Variants in TRANK1 observed in about 807,000 individuals in gnomAD.
TRANK1 encodes TPR and ankyrin repeat-containing protein 1.
A neutral mutation model predicts 266.0 loss-of-function variants in TRANK1; 198 were observed. The observed-to-expected ratio is 0.74, with a 90% CI of 0.66 to 0.84. TRANK1 has a LOEUF of 0.84. Ranked by LOEUF, TRANK1 falls within the 40% of genes least tolerant of loss-of-function variation. The probability of loss-of-function intolerance (pLI) is 0.00; values close to 1 mark genes in which losing one functional copy is unlikely to be tolerated. For missense variants in TRANK1, 3,326 were observed against 3,634.6 expected, an observed-to-expected ratio of 0.92 and a Z score of 2.18; for synonymous variants, 1,396 against 1,384.1, an observed-to-expected ratio of 1.01 and a Z score of -0.19.
At chr3:36,887,051 C>T (rs1386807337) in intron 8 of TRANK1, among the ~76,000 whole-genome samples, 9 of 151,688 alleles carry the variant, frequency 5.9e-5, no homozygotes, top group African/African-American at 9.7e-5. Context: ...GGACTACAGG[C>T]GCATGCTACT....
At chr3:36,927,488 C>T (rs1327145491) in intron 1 of TRANK1, among the ~76,000 whole-genome samples, 2 of 152,218 alleles carry the variant, frequency 1.3e-5, no homozygotes, top group Non-Finnish European at 2.9e-5. Flanking sequence ...CTCACTGCAA[C>T]CTTGGTGTTT....
chr3:36,841,966 T>C (rs2078850415), intron 18 of TRANK1, among the ~76,000 whole-genome samples: 2 of 151,976 alleles, frequency 1.3e-5, no homozygotes, highest in Non-Finnish European at 2.9e-5. Context: ...ATCACCACTA[T>C]TTCAAGGGAG....
At chr3:36,945,584 C>T (rs115239482), upstream of TRANK1, among the ~76,000 whole-genome samples, 1,208 of 152,296 alleles carry the variant, frequency 7.9e-3, 15 homozygotes, top group African/African-American at 0.026. Flanking sequence ...CAGGCCTGAG[C>T]AGGCAACAAA....
intron 8 of TRANK1, among the ~76,000 whole-genome samples, chr3:36,888,068 A>C (rs1244415749): frequency 6.6e-6 from 1 of 152,250 alleles, no homozygotes; most frequent in African/African-American, 2.4e-5. Context: ...CATTATTCAT[A>C]ATAGCCAGAA....
chr3:36,839,862 C>G (rs183559883), intron 18 of TRANK1, among the ~76,000 whole-genome samples: 2 of 152,100 alleles, frequency 1.3e-5, no homozygotes, highest in Non-Finnish European at 2.9e-5. Flanking sequence ...TTCTAAAAAC[C>G]CTTTTTGTTG....
chr3:36,901,196 A>G (rs762071370), intron 3 of TRANK1, among the ~76,000 whole-genome samples: 9 of 151,194 alleles, frequency 6.0e-5, no homozygotes, highest in Non-Finnish European at 8.8e-5. Context: ...AGCTGAAGGT[A>G]TCTGAGATTC....
At chr3:36,876,422 T>G (rs1342530348) in intron 8 of TRANK1, among the ~76,000 whole-genome samples, 3 of 152,256 alleles carry the variant, frequency 2.0e-5, no homozygotes, top group African/African-American at 7.2e-5. Context: ...AGTGACTGAT[T>G]GGTTCATAGG....
At chr3:36,934,796 G>A (rs2080402545) in intron 1 of TRANK1, among the ~76,000 whole-genome samples, 1 of 152,144 alleles carries the variant, frequency 6.6e-6, no homozygotes, top group Admixed American at 6.5e-5. Flanking sequence ...AAAACAACAA[G>A]CCAAAGACAC....
chr3:36,915,062 C>T (rs2080106281), intron 1 of TRANK1, among the ~76,000 whole-genome samples: 1 of 152,224 alleles, frequency 6.6e-6, no homozygotes, highest in Non-Finnish European at 1.5e-5. Flanking sequence ...CGCCATTCTC[C>T]TGCCTCAGCC....
At position 36,935,777 on chromosome 3, in the gene TRANK1, T is replaced by A. The variant is rs563098312; in HGVS notation, c.23+9010A>T. ...CTGAATTCTTAAGGCAAAAACTAAG[T>A]CTTAGTAAGTCTTACTATTTCTGCA... is the stretch of plus-strand genomic sequence containing the variant. On this transcript the variant is annotated intron_variant, in intron 1 of 23. Transcript: ENST00000645898. 3.3e-4 allele frequency among the ~76,000 whole-genome samples: 50 copies of A among 152,234 alleles called. No homozygotes were observed. The East Asian group carries it at 4.4e-3, about 14-fold the overall frequency.
chr3:36,855,279 C>T lies in TRANK1; in HGVS notation c.4443G>A (p.Leu1481=), dbSNP rs1395078559. The T allele has an allele frequency of 4.3e-6, 7 of 1,613,942 alleles. No homozygotes were observed. Among genetic ancestry groups the T allele is most frequent in the African/African-American group, 1.3e-5 (1 of 74,930 alleles). ...MKGVAFRFSD[L]RSLFHYASRN... ...TGCTGGCATAATGGAACAGAGAGCG[C>T]AGATCGCTGAAGCGGAAGGCCACGC... Residue 1481 remains leucine (L), a synonymous_variant, in exon 13 of 24, where the codon CTG becomes CTA. Coordinates refer to ENST00000645898, the MANE Select transcript of TRANK1 (RefSeq NM_001329998.2).
In TRANK1 at chr3:36,833,073, T is replaced by G; in HGVS notation, c.6510A>C (p.Lys2170Asn). ...TCTGACACAGCCTGCCCAAAAGGTG[T>G]TTGTTTAGGGCTAATTTCACTTGGT... Reference protein sequence around the residue: ...MTDQVKLALNKHLLGRLCQIT... With the variant: ...MTDQVKLALNNHLLGRLCQIT... Residue 2170 changes from lysine to asparagine, a missense_variant, in exon 22 of 24, where the codon AAA becomes AAC. By Grantham distance (94) the Lys-to-Asn change is moderately conservative. Transcript: ENST00000645898. 1 of 1,612,906 alleles carries G rather than the reference T, an allele frequency of 6.2e-7. No individual in the cohort carries two copies. The highest frequency in any genetic ancestry group is 8.5e-7 in the Non-Finnish European group (1 of 1,179,394).
intron 4 of TRANK1, among the ~76,000 whole-genome samples, chr3:36,898,842 T>C: frequency 7.4e-6 from 1 of 135,068 alleles, no homozygotes; most frequent in African/African-American, 3.0e-5. Flanking sequence ...AGAATAAGAC[T>C]CTGTCTCAAA....
chr3:36,851,033 G>A, intron 15 of TRANK1: 2 of 985,516 alleles, frequency 2.0e-6, no homozygotes, highest in Non-Finnish European at 2.4e-6. Context: ...GAAAACCCAG[G>A]ACAACGGCTG....
chr3:36,852,438 C>T, intron 13 of TRANK1, 93 bp from the exon 14 acceptor site: 1 of 1,216,326 alleles, frequency 8.2e-7, no homozygotes. Flanking sequence ...TCCTGAGAAG[C>T]AGGTTTGGCC....
At chr3:36,903,997 C>T (rs2079923665) in intron 2 of TRANK1, among the ~76,000 whole-genome samples, 1 of 151,296 alleles carries the variant, frequency 6.6e-6, no homozygotes, top group Non-Finnish European at 1.5e-5. Flanking sequence ...CTCACTCTGT[C>T]GCCCAAGCTG....
intron 9 of TRANK1, among the ~76,000 whole-genome samples, chr3:36,873,592 T>C (rs2079341042): frequency 6.6e-6 from 1 of 152,174 alleles, no homozygotes; most frequent in African/African-American, 2.4e-5. Context: ...AGATGCAGCA[T>C]GAAAAACTTA....
chr3:36,843,507 T>C (rs1314865829), intron 17 of TRANK1, among the ~76,000 whole-genome samples: 1 of 152,136 alleles, frequency 6.6e-6, no homozygotes, highest in East Asian at 1.9e-4. Flanking sequence ...CAGAGACCAT[T>C]GTCACCACCT....
Position 36,910,790 on chromosome 3 carries a change from G to A in TRANK1, c.24-2336C>T, listed in dbSNP as rs142122140. 7.3e-5 allele frequency among the ~76,000 whole-genome samples: 11 copies of A among 150,912 alleles called. 1 individual carries two copies. In the South Asian group the frequency reaches 1.3e-3, roughly 17 times the overall value. On this transcript the variant is annotated intron_variant, in intron 1 of 23. Transcript: ENST00000645898. ...AATCATGTTGCAAAAGACCCAGTGCGCTGGCTCATGCCTGTAATCCCAGCA... is the reference window on the plus strand; with the variant it reads ...AATCATGTTGCAAAAGACCCAGTGCACTGGCTCATGCCTGTAATCCCAGCA...
Sources: allele counts gnomAD v4.1 joint callset (sites outside exome capture counted in the v4.1 genomes callset), GRCh38; gene constraint gnomAD v4.1.1; transcripts MANE v1.5; gene names NCBI Gene and HGNC (gene_info 2026-07-23, HGNC 2026-07-21).